The following AP3B1 variants were observed in gnomAD, a reference collection of about 807,000 sequenced individuals.
AP3B1 encodes the protein AP-3 complex subunit beta-1.
A neutral mutation model predicts 132.5 loss-of-function variants in AP3B1; 61 were observed. The observed-to-expected ratio is 0.46, with a 90% CI of 0.37 to 0.57. The LOEUF is 0.57. AP3B1 is among the 20% of genes least tolerant of loss of function. AP3B1 has a pLI of 0.00. For synonymous variants in AP3B1, 388 were observed against 438.3 expected (o/e 0.89, Z 1.43); for missense variants, 1,120 against 1,289.4 (o/e 0.87, Z 2.01).
At chr5:78,177,271 T>C in intron 9 of AP3B1, 68 bp downstream of exon 9, 8 of 1,062,792 alleles carry the variant, frequency 7.5e-6, no homozygotes, top group Non-Finnish European at 1.2e-5. Flanking sequence ...GCCTGAAAGA[T>C]TACATTTGTT....
chr5:78,219,913 A>G (rs7721185), intron 6 of AP3B1, among the ~76,000 whole-genome samples: 40,477 of 152,022 alleles, frequency 0.27, 5,671 homozygotes, highest in Middle Eastern at 0.33. Context: ...CATCGTAATA[A>G]TGATCCCAAA....
chr5:78,191,363 A>C (rs1449824231), intron 7 of AP3B1, among the ~76,000 whole-genome samples: 1 of 138,698 alleles, frequency 7.2e-6, no homozygotes, highest in African/African-American at 2.6e-5. Flanking sequence ...CCAAAAAAAA[A>C]AAAAAAAAAA....
chr5:78,005,684 G>A (rs990739902), intron 26 of AP3B1, among the ~76,000 whole-genome samples: 14 of 152,164 alleles, frequency 9.2e-5, no homozygotes, highest in South Asian at 2.1e-4. Flanking sequence ...GTTTTAAAGC[G>A]GAAGACTAGA....
intron 24 of AP3B1, among the ~76,000 whole-genome samples, chr5:78,027,323 C>T (rs944111627): frequency 6.6e-6 from 1 of 152,078 alleles, no homozygotes; most frequent in African/African-American, 2.4e-5. Flanking sequence ...ACACCATTTA[C>T]TGCATGGTCT....
intron 7 of AP3B1, among the ~76,000 whole-genome samples, chr5:78,201,524 A>G (rs1304709491): frequency 6.6e-6 from 1 of 152,224 alleles, no homozygotes; most frequent in Non-Finnish European, 1.5e-5. Context: ...ATGTGGATCA[A>G]TCTCCAAAAT....
chr5:78,010,772 T>C (rs1020589887), intron 26 of AP3B1, among the ~76,000 whole-genome samples: 6 of 152,190 alleles, frequency 3.9e-5, no homozygotes. Flanking sequence ...ACTGGTTTAA[T>C]GCTGTCCATT....
chr5:78,216,050 C>G lies in AP3B1; in HGVS notation c.786+5G>C. The G allele has an allele frequency of 6.2e-7, 1 of 1,613,874 alleles. No homozygotes were observed. The highest frequency in any genetic ancestry group is 8.5e-7 in the Non-Finnish European group (1 of 1,179,784). ...CTTGAAAGTGGAAGACTGTTCAACA[C>G]TTACCTCTTTCCAAGGGCTGACAAA... On this transcript the variant is annotated splice_donor_5th_base_variant and intron_variant, in intron 7 of 26. Transcript: ENST00000255194.
At chr5:78,039,807 A>AG (rs1367362722) in intron 22 of AP3B1, among the ~76,000 whole-genome samples, 1 of 151,204 alleles carries the variant, frequency 6.6e-6, no homozygotes, top group Non-Finnish European at 1.5e-5. Flanking sequence ...AGAAAAGAAA[A>AG]AAAAAAGAAA....
intron 22 of AP3B1, among the ~76,000 whole-genome samples, chr5:78,084,564 A>G (rs1332645761): frequency 2.7e-5 from 4 of 150,176 alleles, no homozygotes; most frequent in Non-Finnish European, 4.4e-5. Context: ...AGAGAAAAGG[A>G]AGAGGAAAAG....
At chr5:78,007,130 T>C (rs1361393822) in intron 26 of AP3B1, among the ~76,000 whole-genome samples, 1 of 152,226 alleles carries the variant, frequency 6.6e-6, no homozygotes, top group Non-Finnish European at 1.5e-5. Context: ...AAATCATACA[T>C]GTTCTTTGTT....
At position 78,015,547 on chromosome 5, in the gene AP3B1, T is replaced by A. The variant is rs1034040976; in HGVS notation, c.2994A>T (p.Gly998=). ...MSEKDFKKEQ[G]VLTGMNETSA... ...AAGTTTCATTCATTCCTGTTAGCACTCCTGTAAAAGCAAAAGAAGGCTCCC... is the reference window on the plus strand; with the variant it reads ...AAGTTTCATTCATTCCTGTTAGCACACCTGTAAAAGCAAAAGAAGGCTCCC... The change falls in exon 26 of 27, where the codon GGA becomes GGT. Residue 998 remains glycine, a splice_region_variant and synonymous_variant. Transcript: ENST00000255194. 40 of 1,613,402 alleles carry A rather than the reference T, an allele frequency of 2.5e-5. No individual in the cohort carries two copies. The highest frequency in any genetic ancestry group is 3.4e-5 in the Non-Finnish European group (40 of 1,179,690).
At position 78,015,550 on chromosome 5, in the gene AP3B1, T is replaced by C; in HGVS notation, c.2993-2A>G. ...TTTCATTCATTCCTGTTAGCACTCCTGTAAAAGCAAAAGAAGGCTCCCTTT... is the reference window on the plus strand; with the variant it reads ...TTTCATTCATTCCTGTTAGCACTCCCGTAAAAGCAAAAGAAGGCTCCCTTT... On this transcript the variant is annotated splice_acceptor_variant, in intron 25 of 26. Coordinates refer to ENST00000255194, the MANE Select transcript of AP3B1 (RefSeq NM_003664.5). LOFTEE classifies it high-confidence loss of function. The C allele has an allele frequency of 6.2e-7, 1 of 1,613,426 alleles. No homozygotes were observed. Among genetic ancestry groups the C allele is most frequent in the Non-Finnish European group, 8.5e-7 (1 of 1,179,606 alleles).
chr5:78,179,054 T>C (rs1744263260), intron 8 of AP3B1, among the ~76,000 whole-genome samples: 1 of 152,212 alleles, frequency 6.6e-6, no homozygotes, highest in African/African-American at 2.4e-5. Context: ...ATTTCTTCAC[T>C]TGTGAACTGC....
At chr5:78,073,638 A>G (rs369373100) in intron 22 of AP3B1, among the ~76,000 whole-genome samples, 1 of 152,192 alleles carries the variant, frequency 6.6e-6, no homozygotes, top group African/African-American at 2.4e-5. Context: ...AGATGACAAA[A>G]CTGCCATAAA....
At chr5:78,133,629 C>G (rs188948661) in intron 15 of AP3B1, among the ~76,000 whole-genome samples, 1 of 152,062 alleles carries the variant, frequency 6.6e-6, no homozygotes, top group Admixed American at 6.6e-5. Context: ...TTTAATATCA[C>G]CAGAGGCTCA....
intron 13 of AP3B1, among the ~76,000 whole-genome samples, chr5:78,158,081 A>T (rs994050767): frequency 1.3e-5 from 2 of 152,184 alleles, no homozygotes; most frequent in African/African-American, 4.8e-5. Context: ...TTTTTTATAA[A>T]GCTCCGTTTA....
At chr5:78,204,802 A>G (rs1024218812) in intron 7 of AP3B1, among the ~76,000 whole-genome samples, 10 of 152,200 alleles carry the variant, frequency 6.6e-5, no homozygotes, top group African/African-American at 2.4e-4. Context: ...GGGAGGATAG[A>G]GTGAGGGTAA....
chr5:78,215,192 G>C (rs1051844111), intron 7 of AP3B1, among the ~76,000 whole-genome samples: 1 of 151,754 alleles, frequency 6.6e-6, no homozygotes, highest in Non-Finnish European at 1.5e-5. Flanking sequence ...TGATATAACA[G>C]GAGCTTTTTA....
chr5:78,237,073 C>A (rs142720763), intron 3 of AP3B1, among the ~76,000 whole-genome samples: 60 of 152,360 alleles, frequency 3.9e-4, no homozygotes, highest in Middle Eastern at 3.4e-3. Context: ...AATTCATAAA[C>A]TGGCCACAAG....
Sources: gnomAD v4.1 joint callset for allele counts (sites outside exome capture counted in the v4.1 genomes callset) on GRCh38, gnomAD v4.1.1 for gene constraint, MANE v1.5 for transcripts, NCBI Gene and HGNC (gene_info 2026-07-23, HGNC 2026-07-21) for gene names.